Variants in PID1 observed in about 807,000 individuals in gnomAD.
The protein encoded by PID1 is phosphotyrosine interaction domain containing 1.
In PID1, 10 loss-of-function variants were observed where a neutral mutation model predicts 19.1. That is an observed-to-expected ratio of 0.52 (90% CI 0.32 to 0.89). PID1 has a LOEUF of 0.89. Ranked by LOEUF, PID1 falls within the 40% of genes least tolerant of loss-of-function variation. The probability of loss-of-function intolerance (pLI) is 0.03; values close to 1 mark genes in which losing one functional copy is unlikely to be tolerated. For missense variants in PID1, 248 were observed against 285.3 expected (o/e 0.87, Z 0.94); for synonymous variants, 130 against 116.0 (o/e 1.12, Z -0.78).
intron 2 of PID1, among the ~76,000 whole-genome samples, chr2:229,112,088 T>C (rs1574637722): frequency 6.6e-6 from 1 of 152,248 alleles, no homozygotes; most frequent in Non-Finnish European, 1.5e-5. Context: ...TGATGGCTAA[T>C]TCAAGAATGT....
At chr2:229,115,181 C>G (rs1695384693) in intron 2 of PID1, among the ~76,000 whole-genome samples, 2 of 152,054 alleles carry the variant, frequency 1.3e-5, no homozygotes, top group Admixed American at 1.3e-4. Context: ...GTACACTCCT[C>G]ATTGAGGTGT....
intron 2 of PID1, among the ~76,000 whole-genome samples, chr2:229,122,140 G>A (rs1055561564): frequency 2.0e-5 from 3 of 152,118 alleles, no homozygotes; most frequent in African/African-American, 7.2e-5. Flanking sequence ...GAAAATCCTG[G>A]TTGAGGCGAA....
At chr2:229,098,304 T>C (rs1384235040) in intron 2 of PID1, among the ~76,000 whole-genome samples, 4 of 152,236 alleles carry the variant, frequency 2.6e-5, no homozygotes, top group Middle Eastern at 3.4e-3. Flanking sequence ...GTTTCACCCA[T>C]CAGCACGATG....
intron 1 of PID1, among the ~76,000 whole-genome samples, chr2:229,256,966 TGC>T (rs1690317581): frequency 6.6e-6 from 1 of 152,126 alleles, no homozygotes; most frequent in South Asian, 2.1e-4. Context: ...TAACTATGGG[TGC>T]CTAATTTAAA....
chr2:229,269,245 C>T (rs1050514105), intron 1 of PID1, among the ~76,000 whole-genome samples: 1 of 152,200 alleles, frequency 6.6e-6, no homozygotes, highest in African/African-American at 2.4e-5. Flanking sequence ...ATAAAATAAA[C>T]GCATTGCAAA....
intron 2 of PID1, among the ~76,000 whole-genome samples, chr2:229,063,071 C>T (rs1315351762): frequency 6.6e-6 from 1 of 151,974 alleles, no homozygotes; most frequent in Non-Finnish European, 1.5e-5. Flanking sequence ...AAGAACCAAA[C>T]TTGTAGCTGC....
At chr2:229,149,982 A>T (rs1208163384) in intron 2 of PID1, among the ~76,000 whole-genome samples, 1 of 152,152 alleles carries the variant, frequency 6.6e-6, no homozygotes, top group Non-Finnish European at 1.5e-5. Flanking sequence ...TCAGGTCTAT[A>T]ATCTCAGCAC....
chr2:229,153,323 G>A (rs1383687829), intron 2 of PID1, among the ~76,000 whole-genome samples: 1 of 152,190 alleles, frequency 6.6e-6, no homozygotes, highest in African/African-American at 2.4e-5. Flanking sequence ...AATAACGCTG[G>A]AAAAGCCCTC....
intron 2 of PID1, among the ~76,000 whole-genome samples, chr2:229,107,420 G>A (rs555904621): frequency 2.7e-5 from 4 of 150,032 alleles, no homozygotes; most frequent in South Asian, 2.1e-4. Context: ...TTTGGGAAAC[G>A]CCACAAAATT....
rs535751934 is a variant in PID1 at position 229,185,955 on chromosome 2, T to C, written c.31-29991A>G. On this transcript the variant is annotated intron_variant, in intron 1 of 2. Transcript: ENST00000392055. The stretch of plus-strand genomic sequence containing the variant: ...CATCCAAGACAAGTCAGGTCCCTTC[T>C]GCCTACGAGCCTGTAAAATCAAAAG... 1.2e-4 allele frequency among the ~76,000 whole-genome samples: 19 copies of C among 152,326 alleles called. No homozygotes were observed. In the East Asian group the frequency reaches 3.5e-3, roughly 28 times the overall value.
chr2:229,125,490 A>T (rs1420733147), intron 2 of PID1, among the ~76,000 whole-genome samples: 1 of 152,100 alleles, frequency 6.6e-6, no homozygotes, highest in African/African-American at 2.4e-5. Flanking sequence ...TATTGACGCA[A>T]CTAACAACCC....
intron 2 of PID1, among the ~76,000 whole-genome samples, chr2:229,110,888 G>T (rs1199592226): frequency 3.3e-5 from 5 of 151,996 alleles, no homozygotes; most frequent in African/African-American, 7.3e-5. Context: ...ATATGGTTTG[G>T]CTATGTCCCC....
chr2:229,240,642 C>T (rs1473097251), intron 1 of PID1, among the ~76,000 whole-genome samples: 2 of 152,036 alleles, frequency 1.3e-5, no homozygotes, highest in Admixed American at 6.6e-5. Context: ...TACCTCATTG[C>T]TTTGACTTTC....
intron 1 of PID1, among the ~76,000 whole-genome samples, chr2:229,269,129 G>T (rs1690669158): frequency 6.6e-6 from 1 of 150,676 alleles, no homozygotes; most frequent in Non-Finnish European, 1.5e-5. Context: ...TGAGCCCCCT[G>T]TTGGTAAGGA....
chr2:229,061,437 G>A (rs1473699899), intron 2 of PID1, among the ~76,000 whole-genome samples: 3 of 151,828 alleles, frequency 2.0e-5, no homozygotes, highest in Non-Finnish European at 2.9e-5. Context: ...TAAATTTCTA[G>A]GATGTTTATT....
chr2:229,176,499 T>C (rs973042099), intron 1 of PID1, among the ~76,000 whole-genome samples: 10 of 152,220 alleles, frequency 6.6e-5, no homozygotes, highest in African/African-American at 2.4e-4. Flanking sequence ...AAAACCCTAG[T>C]CAATGCTGAT....
Position 229,263,542 on chromosome 2 carries a change from C to T in PID1, c.30+7472G>A, listed in dbSNP as rs568304100. Among the ~76,000 whole-genome samples, 4 of 152,258 alleles carry T rather than the reference C, an allele frequency of 2.6e-5. No individual in the cohort carries two copies. In the South Asian group the frequency reaches 8.3e-4, roughly 32 times the overall value. On this transcript the variant is annotated intron_variant, in intron 1 of 2. Transcript: ENST00000392055. ...GATTATTATCATGGCTGGGCTAGAA[C>T]ACCCACCCTCAGGCCAAGGTATGAC...
chr2:229,057,393 T>C (rs1240239950), intron 2 of PID1, among the ~76,000 whole-genome samples: 5 of 150,120 alleles, frequency 3.3e-5, no homozygotes, highest in Non-Finnish European at 7.4e-5. Flanking sequence ...GAGGCGGAGG[T>C]TGCAGTGGGC....
At chr2:229,166,023 G>C (rs927624942) in intron 1 of PID1, among the ~76,000 whole-genome samples, 2 of 152,126 alleles carry the variant, frequency 1.3e-5, no homozygotes, top group African/African-American at 4.8e-5. Flanking sequence ...GTACACAAAT[G>C]CTCACAGTAG....
Sources: allele counts gnomAD v4.1 joint callset (sites outside exome capture counted in the v4.1 genomes callset), GRCh38; gene constraint gnomAD v4.1.1; transcripts MANE v1.5; gene names NCBI Gene and HGNC (gene_info 2026-07-23, HGNC 2026-07-21).